The following TTLL9 variants were observed in gnomAD, a reference collection of about 807,000 sequenced individuals.
TTLL9 encodes tubulin tyrosine ligase like 9, also known as probable tubulin polyglutamylase TTLL9.
TTLL9 carries 47 observed loss-of-function variants against 65.6 expected under a neutral mutation model. That is an observed-to-expected ratio of 0.72 (90% CI 0.57 to 0.91). The LOEUF (loss-of-function observed/expected upper bound fraction) is 0.91, where lower values mean the gene tolerates loss of function less well. Ranked by LOEUF, TTLL9 falls within the 40% of genes least tolerant of loss-of-function variation. The pLI is 0.00. For missense variants in TTLL9, 537 were observed against 568.8 expected (o/e 0.94, Z 0.57); for synonymous variants, 179 against 204.8 (o/e 0.87, Z 1.07).
At chr20:31,876,440 C>G (rs1217679212) in intron 2 of TTLL9, among the ~76,000 whole-genome samples, 1 of 152,142 alleles carries the variant, frequency 6.6e-6, no homozygotes, top group African/African-American at 2.4e-5. Flanking sequence ...GAGCAAAACT[C>G]CGTCTCAAAA....
intron 14 of TTLL9, among the ~76,000 whole-genome samples, chr20:31,941,594 T>C (rs2064211733): frequency 6.6e-6 from 1 of 152,084 alleles, no homozygotes; most frequent in Non-Finnish European, 1.5e-5. Context: ...AGTCTCGCTC[T>C]GTTGCCCAGG....
chr20:31,939,437 G>A, intron 14 of TTLL9, 171 bp downstream of exon 14: 1 of 687,880 alleles, frequency 1.5e-6, no homozygotes, highest in Non-Finnish European at 2.1e-6. Flanking sequence ...TTTTAAACTT[G>A]GTTTCTAAAA....
At chr20:31,924,840 G>C (rs1292656106) in intron 8 of TTLL9, among the ~76,000 whole-genome samples, 169 bp from the exon 9 acceptor site, 3 of 152,338 alleles carry the variant, frequency 2.0e-5, no homozygotes, top group African/African-American at 7.2e-5. Flanking sequence ...GCCTCCCAAA[G>C]TGTTGGGATC....
At chr20:31,883,464 G>A (rs1043441591) in intron 2 of TTLL9, among the ~76,000 whole-genome samples, 1 of 152,076 alleles carries the variant, frequency 6.6e-6, no homozygotes, top group Non-Finnish European at 1.5e-5. Flanking sequence ...CCAAAGTGCT[G>A]GGATTACAGG....
At chr20:31,937,358 G>T in intron 12 of TTLL9, 38 bp from the exon 13 acceptor site, 2 of 1,529,160 alleles carry the variant, frequency 1.3e-6, no homozygotes, top group South Asian at 2.3e-5. Flanking sequence ...TCCAGGGACC[G>T]AGTAACCCTA....
chr20:31,887,173 T>C (rs1368182650), intron 2 of TTLL9, 23 bp from the exon 3 acceptor site: 1 of 1,613,754 alleles, frequency 6.2e-7, no homozygotes, highest in Non-Finnish European at 8.5e-7. Flanking sequence ...ACCAGTTACA[T>C]CCTTTTCCTT....
intron 3 of TTLL9, 90 bp from the exon 4 acceptor site, chr20:31,898,383 C>T (rs1202113672): frequency 7.1e-6 from 8 of 1,124,386 alleles, no homozygotes; most frequent in Non-Finnish European, 1.1e-5. Flanking sequence ...AGGTATGGAA[C>T]TTGACTTCTC....
intron 10 of TTLL9, among the ~76,000 whole-genome samples, chr20:31,932,021 T>A (rs1463002499): frequency 6.6e-6 from 1 of 152,234 alleles, no homozygotes; most frequent in South Asian, 2.1e-4. Flanking sequence ...TTGCCTCTTA[T>A]ATTTAGGTCT....
chr20:31,890,155 T>TTTCTTTCTC (rs2063282087), intron 3 of TTLL9, among the ~76,000 whole-genome samples: 1 of 85,384 alleles, frequency 1.2e-5, no homozygotes, highest in South Asian at 4.4e-4. Context: ...CCTTCCTTCC[T>TTTCTTTCTC]TCTTTCTTTC....
chr20:31,883,200 CTTTTTTT>C (rs776036423), intron 2 of TTLL9, among the ~76,000 whole-genome samples: 1 of 140,106 alleles, frequency 7.1e-6, no homozygotes, highest in Non-Finnish European at 1.6e-5. Flanking sequence ...AGAATTCTTT[CTTTTTTT>C]TTTTTTTTTT....
chr20:31,894,209 T>A (rs548208592), intron 3 of TTLL9, among the ~76,000 whole-genome samples: 1 of 149,442 alleles, frequency 6.7e-6, no homozygotes, highest in African/African-American at 2.5e-5. Flanking sequence ...GCTCAAGTGA[T>A]CCTCCCACCT....
chr20:31,882,106 G>A (rs528878160), intron 2 of TTLL9, among the ~76,000 whole-genome samples: 2 of 152,280 alleles, frequency 1.3e-5, no homozygotes, highest in African/African-American at 4.8e-5. Context: ...GAACATGCCA[G>A]GATATACTTT....
intron 2 of TTLL9, among the ~76,000 whole-genome samples, chr20:31,879,209 T>G (rs2063075210): frequency 6.6e-6 from 1 of 152,146 alleles, no homozygotes; most frequent in Non-Finnish European, 1.5e-5. Context: ...TAATCCCAGC[T>G]ACTCGGGAGG....
At chr20:31,932,771 T>C (rs1031228425) in intron 10 of TTLL9, among the ~76,000 whole-genome samples, 1 of 151,688 alleles carries the variant, frequency 6.6e-6, no homozygotes, top group East Asian at 1.9e-4. Flanking sequence ...CCGAGGCGGG[T>C]GGATTACTTG....
rs1568838604 is a variant in TTLL9, at chr20:31,934,889, G to GT, written c.1004+2dup. Reference sequence around the variant, plus strand: ...TCCTCATCGACCAGGACCTCAAGCCGTAAGTGGGTGGGTGGGAGAGCCAGG... The same window carrying GT: ...TCCTCATCGACCAGGACCTCAAGCCGTTAAGTGGGTGGGTGGGAGAGCCAGG... On this transcript the variant is annotated splice_donor_variant, in intron 12 of 14. Coordinates refer to ENST00000535842, the MANE Select transcript of TTLL9 (RefSeq NM_001008409.5). LOFTEE classifies it high-confidence loss of function. 2.5e-6 allele frequency: 4 copies of GT among 1,607,190 alleles called. No individual in the cohort carries two copies. Among genetic ancestry groups the GT allele is most frequent in the Non-Finnish European group, 3.4e-6 (4 of 1,175,170 alleles).
At chr20:31,873,830 AAG>A (rs1310829132) in intron 2 of TTLL9, among the ~76,000 whole-genome samples, 4 of 48,618 alleles carry the variant, frequency 8.2e-5, no homozygotes, top group African/African-American at 1.6e-4. Context: ...GGAAGAAAGA[AAG>A]AAAGAAAGAA....
chr20:31,913,290 T>G lies in TTLL9; in HGVS notation c.504+3368T>G, dbSNP rs577952062. Among the ~76,000 whole-genome samples, 21 of 152,264 alleles carry G rather than the reference T, an allele frequency of 1.4e-4. No individual in the cohort carries two copies. In the South Asian group the frequency reaches 2.7e-3, roughly 20 times the overall value. ...ACGTAAAATTAACCATCACACCAGG[T>G]TCTGAGGGTGCTACTGGTCTGAGTA... is the stretch of plus-strand genomic sequence containing the variant. On this transcript the variant is annotated intron_variant, in intron 6 of 14. Transcript: ENST00000535842.
intron 3 of TTLL9, among the ~76,000 whole-genome samples, chr20:31,894,220 C>G (rs1439576344): frequency 6.6e-6 from 1 of 150,798 alleles, no homozygotes; most frequent in Non-Finnish European, 1.5e-5. Flanking sequence ...CCTCCCACCT[C>G]AGCTCCCCAG....
chr20:31,899,923 G>A (rs577847367), intron 4 of TTLL9, among the ~76,000 whole-genome samples: 9 of 152,180 alleles, frequency 5.9e-5, no homozygotes, highest in Non-Finnish European at 1.3e-4. Flanking sequence ...ACCACGACCA[G>A]CTAATTTTTT....
Sources: gnomAD v4.1 joint callset for allele counts (sites outside exome capture counted in the v4.1 genomes callset) on GRCh38, gnomAD v4.1.1 for gene constraint, MANE v1.5 for transcripts, NCBI Gene and HGNC (gene_info 2026-07-23, HGNC 2026-07-21) for gene names.